MTMR14: variants seen among roughly 807,000 people sequenced by gnomAD.
The protein encoded by MTMR14 is myotubularin related protein 14.
A neutral mutation model predicts 86.3 loss-of-function variants in MTMR14; 48 were observed. That is an observed-to-expected ratio of 0.56 (90% CI 0.44 to 0.71). MTMR14 has a LOEUF of 0.71. Ranked by LOEUF, MTMR14 falls within the 30% of genes least tolerant of loss-of-function variation. MTMR14 has a pLI of 0.00. For synonymous variants in MTMR14, 366 were observed against 326.1 expected (o/e 1.12, Z -1.32); for missense variants, 780 against 834.6 (o/e 0.93, Z 0.81).
At position 9,669,754 on chromosome 3, in the gene MTMR14, G is replaced by T. The variant is rs890396982; in HGVS notation, c.554+262G>T. Among the ~76,000 whole-genome samples the T allele has an allele frequency of 2.6e-5, 4 of 152,152 alleles. No individual in the cohort carries two copies. In the Middle Eastern group the frequency reaches 9.5e-3, roughly 361 times the overall value. On this transcript the variant is annotated intron_variant, in intron 5 of 18. Coordinates refer to ENST00000296003, the MANE Select transcript of MTMR14 (RefSeq NM_001077525.3). ...AGAACATCCCACTCTTGGGGTTCCTGGTACTGCAGGCCCGAGATAGGGCCC... is the reference window on the plus strand; with the variant it reads ...AGAACATCCCACTCTTGGGGTTCCTTGTACTGCAGGCCCGAGATAGGGCCC...
chr3:9,676,008 A>C (rs1191046232), intron 7 of MTMR14, among the ~76,000 whole-genome samples: 1 of 152,154 alleles, frequency 6.6e-6, no homozygotes, highest in Non-Finnish European at 1.5e-5. Context: ...TATGGAATGA[A>C]AGCCACTTCT....
chr3:9,693,309 G>A (rs80267444), intron 17 of MTMR14, among the ~76,000 whole-genome samples: 2 of 90,486 alleles, frequency 2.2e-5, no homozygotes, highest in Admixed American at 2.7e-4. Flanking sequence ...TCAGATAATC[G>A]AGATGATTTA....
intron 17 of MTMR14, among the ~76,000 whole-genome samples, chr3:9,694,223 C>T (rs757570241): frequency 6.6e-6 from 1 of 152,184 alleles, no homozygotes; most frequent in Admixed American, 6.5e-5. Context: ...CCTGGGTTTC[C>T]GTCGTAGCTT....
chr3:9,662,400 G>A, intron 3 of MTMR14, 25 bp downstream of exon 3: 1 of 1,580,480 alleles, frequency 6.3e-7, no homozygotes, highest in Non-Finnish European at 8.7e-7. Context: ...ATAGCTTCAT[G>A]CTCCACGACT....
chr3:9,689,824 T>A (rs2076081871), intron 16 of MTMR14, 140 bp from the exon 17 acceptor site: 2 of 808,410 alleles, frequency 2.5e-6, no homozygotes, highest in South Asian at 3.4e-5. Context: ...GGCCCTGAGC[T>A]GGAGAGAGTG....
chr3:9,675,058 C>T (rs2048780106), intron 7 of MTMR14, among the ~76,000 whole-genome samples: 1 of 152,214 alleles, frequency 6.6e-6, no homozygotes, highest in African/African-American at 2.4e-5. Context: ...TTGCAGTGAG[C>T]CAAGATTGTG....
chr3:9,660,744 T>C (rs905484453), intron 2 of MTMR14, among the ~76,000 whole-genome samples: 7 of 152,290 alleles, frequency 4.6e-5, no homozygotes, highest in African/African-American at 1.7e-4. Flanking sequence ...CTAGAAGGAT[T>C]AGGATGTGGA....
intron 3 of MTMR14, among the ~76,000 whole-genome samples, chr3:9,663,472 CTTT>C (rs1349590465): frequency 2.4e-5 from 2 of 84,044 alleles, no homozygotes; most frequent in African/African-American, 7.6e-5. Context: ...GTTATTGCAA[CTTT>C]TTTTTTTTTG....
intron 17 of MTMR14, among the ~76,000 whole-genome samples, chr3:9,690,452 G>A (rs563380148): frequency 1.4e-4 from 22 of 152,340 alleles, no homozygotes; most frequent in Admixed American, 2.6e-4. Context: ...CCTCCTAGGC[G>A]CACCTCCCAT....
chr3:9,665,175 C>T (rs529416193), intron 3 of MTMR14, among the ~76,000 whole-genome samples: 62 of 151,036 alleles, frequency 4.1e-4, no homozygotes, highest in Admixed American at 2.6e-3. Flanking sequence ...CCAGCTACTC[C>T]GGAGGCTGAG....
intron 1 of MTMR14, 124 bp from the exon 2 acceptor site, chr3:9,653,497 A>G (rs2047426990): frequency 4.0e-6 from 5 of 1,245,476 alleles, no homozygotes; most frequent in Non-Finnish European, 5.8e-6. Flanking sequence ...ACATCTTCCC[A>G]GCACAGAATA....
rs2047854141 is a variant in MTMR14 at position 9,660,288 on chromosome 3, CT to C, written c.309-1978del. 2.6e-5 allele frequency among the ~76,000 whole-genome samples: 4 copies of C among 151,942 alleles called. No homozygotes were observed. In the South Asian group the frequency reaches 8.3e-4, roughly 32 times the overall value. ...TTTTTTTTTTTCCCCCAGACGGAGT[CT>C]CGCCCTTCGCCCAGGCTGGAGTGCA... On this transcript the variant is annotated intron_variant, in intron 2 of 18. Coordinates refer to ENST00000296003, the MANE Select transcript of MTMR14 (RefSeq NM_001077525.3).
chr3:9,672,718 G>C lies in MTMR14; in HGVS notation c.711G>C (p.Gln237His). Reference sequence around the variant, plus strand: ...CCTCTGAGAAGGTGGACAAAGCCCAGCGCTATGCCGACTTCACTCTCCTCT... The same window carrying C: ...CCTCTGAGAAGGTGGACAAAGCCCACCGCTATGCCGACTTCACTCTCCTCT... The part of the protein sequence containing the change: ...VTSSEKVDKA[Q>H]RYADFTLLSI... Residue 237 changes from glutamine to histidine, a missense_variant, in exon 7 of 19, where the codon CAG (glutamine) becomes CAC (histidine). Transcript: ENST00000296003. 1 of 1,614,210 alleles carries C rather than the reference G, an allele frequency of 6.2e-7. No homozygotes were observed. The highest frequency in any genetic ancestry group is 1.1e-5 in the South Asian group (1 of 91,090).
In MTMR14 at chr3:9,649,507, G is replaced by A; in HGVS notation, c.-77G>A. On this transcript the variant is annotated 5_prime_UTR_variant, in exon 1 of 19. Coordinates refer to ENST00000296003, the MANE Select transcript of MTMR14 (RefSeq NM_001077525.3). ...GGCGGTGGCTGAGGCGGTTCCGGAG[G>A]TTCTAGTGTCGGAGTTGGGTGCAGG... 2 of 1,479,936 alleles carry A rather than the reference G, an allele frequency of 1.4e-6. No individual in the cohort carries two copies. The highest frequency in any genetic ancestry group is 2.4e-5 in the Admixed American group (1 of 41,420). 91.7% of individuals were successfully genotyped at this position (1,479,936 alleles called of 1,614,324 possible).
chr3:9,658,166 G>A (rs769487878), intron 2 of MTMR14, among the ~76,000 whole-genome samples: 3 of 152,180 alleles, frequency 2.0e-5, no homozygotes, highest in Non-Finnish European at 2.9e-5. Flanking sequence ...GGGGGACTTC[G>A]GGTATGTTTG....
At position 9,649,520 on chromosome 3, in the gene MTMR14, A is replaced by C. The variant is rs898779315; in HGVS notation, c.-64A>C. 6.7e-7 allele frequency: 1 copy of C among 1,489,392 alleles called. No individual in the cohort carries two copies. Among genetic ancestry groups the C allele is most frequent in the African/African-American group, 1.4e-5 (1 of 71,044 alleles). The allele number at this position is 1,489,392 out of a possible 1,614,324, so 92.3% of individuals were successfully genotyped here. A position where few individuals can be genotyped will look rare whatever the true frequency, so the allele number is the denominator to read the frequency against. On this transcript the variant is annotated 5_prime_UTR_variant, in exon 1 of 19. Transcript: ENST00000296003. Reference sequence around the variant, plus strand: ...GCGGTTCCGGAGGTTCTAGTGTCGGAGTTGGGTGCAGGCAGGTGCCATGGG... The same window carrying C: ...GCGGTTCCGGAGGTTCTAGTGTCGGCGTTGGGTGCAGGCAGGTGCCATGGG...
At chr3:9,683,103 T>G (rs2075824020) in intron 9 of MTMR14, 75 bp from the exon 10 acceptor site, 2 of 1,426,078 alleles carry the variant, frequency 1.4e-6, no homozygotes, top group Non-Finnish European at 2.0e-6. Context: ...GAATAACTCT[T>G]GGCATTTTAT....
At chr3:9,665,253 G>C (rs2048179800) in intron 3 of MTMR14, among the ~76,000 whole-genome samples, 1 of 145,940 alleles carries the variant, frequency 6.9e-6, no homozygotes, top group Non-Finnish European at 1.5e-5. Context: ...TTGCACTCCA[G>C]CCTGGGCGAC....
At chr3:9,665,943 G>A (rs999708132) in intron 3 of MTMR14, among the ~76,000 whole-genome samples, 1 of 151,584 alleles carries the variant, frequency 6.6e-6, no homozygotes, top group African/African-American at 2.4e-5. Flanking sequence ...TAGCCAGGAT[G>A]GTCTCGATCT....
Sources: allele counts gnomAD v4.1 joint callset (sites outside exome capture counted in the v4.1 genomes callset), GRCh38; gene constraint gnomAD v4.1.1; transcripts MANE v1.5; gene names NCBI Gene and HGNC (gene_info 2026-07-23, HGNC 2026-07-21).